The following KANSL1 variants were observed in gnomAD, a reference collection of about 807,000 sequenced individuals.
The protein encoded by KANSL1 is MLL1/MLL complex subunit KANSL1.
In KANSL1, 22 loss-of-function variants were observed where a neutral mutation model predicts 103.6. The ratio of observed to expected loss-of-function variants is 0.21; its 90% CI spans 0.15 to 0.30. The LOEUF is 0.30. Among genes scored for constraint, KANSL1 ranks in the 10% least tolerant of loss-of-function variants. KANSL1 has a pLI of 1.00. For synonymous variants in KANSL1, 600 were observed against 527.6 expected, an observed-to-expected ratio of 1.14 and a Z score of -1.88; for missense variants, 1,337 against 1,399.8, an observed-to-expected ratio of 0.96 and a Z score of 0.72.
intron 3 of KANSL1, among the ~76,000 whole-genome samples, chr17:46,086,310 T>G (rs1438327119): frequency 1.3e-5 from 2 of 152,196 alleles, no homozygotes; most frequent in East Asian, 3.9e-4. Flanking sequence ...GGACCATCTA[T>G]TCATCGACAT....
At chr17:46,166,270 G>A (rs1451076499) in intron 2 of KANSL1, among the ~76,000 whole-genome samples, 2 of 151,366 alleles carry the variant, frequency 1.3e-5, no homozygotes, top group African/African-American at 4.9e-5. Context: ...CCAGCACTGT[G>A]GGAGGCCAAG....
chr17:46,185,871 T>C (rs2047008009), intron 1 of KANSL1, among the ~76,000 whole-genome samples: 1 of 152,160 alleles, frequency 6.6e-6, no homozygotes, highest in Non-Finnish European at 1.5e-5. Flanking sequence ...AACTTTTTTT[T>C]CTGAAGGATG....
intron 1 of KANSL1, among the ~76,000 whole-genome samples, chr17:46,211,336 G>T (rs2696445): frequency 0.12 from 18,240 of 148,488 alleles, 23 homozygotes; most frequent in Middle Eastern, 0.19. Context: ...ACTGGAAGAA[G>T]AGCTGTCTTG....
At chr17:46,049,675 T>C (rs2077642876) in intron 7 of KANSL1, 1 of 151,950 alleles carries the variant, frequency 6.6e-6, no homozygotes. Context: ...CCAAAAGGAA[T>C]GCTCTTCTTT....
chr17:46,176,516 C>A (rs192899843), intron 1 of KANSL1, among the ~76,000 whole-genome samples: 137 of 152,162 alleles, frequency 9.0e-4, no homozygotes, highest in Non-Finnish European at 1.5e-3. Context: ...CATGGTGAAA[C>A]CCTGTCTCTA....
chr17:46,166,687 A>G (rs1421909487), intron 2 of KANSL1, among the ~76,000 whole-genome samples: 1 of 152,234 alleles, frequency 6.6e-6, no homozygotes, highest in African/African-American at 2.4e-5. Flanking sequence ...CATAAATTCA[A>G]CCAGAAATAA....
chr17:46,172,106 G>A lies in KANSL1; in HGVS notation c.38C>T (p.Ala13Val). 6.2e-7 allele frequency: 1 copy of A among 1,610,866 alleles called. No homozygotes were observed. Residue 13 changes from alanine to valine, a missense_variant, in exon 2 of 15, where the codon GCT becomes GTT. Ala to Val is a moderately conservative substitution (Grantham distance 64). Coordinates refer to ENST00000432791, the MANE Select transcript of KANSL1 (RefSeq NM_015443.4). ...AMAPALTDAA[A>V]EAHHIRFKLA... Reference sequence around the variant, plus strand: ...TTTGAACCGGATATGGTGTGCTTCAGCTGCTGCGTCAGTGAGAGCGGGCGC... The same window carrying A: ...TTTGAACCGGATATGGTGTGCTTCAACTGCTGCGTCAGTGAGAGCGGGCGC...
chr17:46,144,964 C>T (rs1223099507), intron 2 of KANSL1, among the ~76,000 whole-genome samples: 1 of 152,128 alleles, frequency 6.6e-6, no homozygotes, highest in African/African-American at 2.4e-5. Context: ...AAAAGTTCAC[C>T]AGGAGTTGGA....
At chr17:46,067,426 G>T in intron 5 of KANSL1, 123 bp downstream of exon 5, 1 of 696,324 alleles carries the variant, frequency 1.4e-6, no homozygotes. Flanking sequence ...GATTAAAAAT[G>T]TTACTAAGTG....
intron 6 of KANSL1, among the ~76,000 whole-genome samples, chr17:46,063,140 C>T (rs1204864106): frequency 6.6e-6 from 1 of 152,170 alleles, no homozygotes; most frequent in Non-Finnish European, 1.5e-5. Flanking sequence ...ATTTAAGATG[C>T]AGGTAAGGAA....
intron 1 of KANSL1, among the ~76,000 whole-genome samples, chr17:46,183,929 GAAAT>G (rs1397195682): frequency 1.3e-5 from 2 of 152,110 alleles, no homozygotes; most frequent in African/African-American, 4.8e-5. Flanking sequence ...CAAAAAGAAA[GAAAT>G]GAGTAGAATT....
At chr17:46,173,289 A>G (rs2046372646) in intron 1 of KANSL1, among the ~76,000 whole-genome samples, 1 of 151,024 alleles carries the variant, frequency 6.6e-6, no homozygotes, top group Admixed American at 6.6e-5. Context: ...GAGCTGCACT[A>G]ATCAAGATTC....
At chr17:46,062,330 A>C in intron 6 of KANSL1, among the ~76,000 whole-genome samples, 1 of 150,452 alleles carries the variant, frequency 6.6e-6, no homozygotes, top group Non-Finnish European at 1.5e-5. Flanking sequence ...ATTGATTTTA[A>C]GAAGTACAAG....
chr17:46,143,105 T>C (rs1318522917), intron 2 of KANSL1, among the ~76,000 whole-genome samples: 1 of 152,234 alleles, frequency 6.6e-6, no homozygotes, highest in Non-Finnish European at 1.5e-5. Flanking sequence ...AGCTAAAATA[T>C]ACTCAAACTA....
chr17:46,064,949 G>A (rs1203346303), intron 6 of KANSL1, among the ~76,000 whole-genome samples: 1 of 151,756 alleles, frequency 6.6e-6, no homozygotes, highest in Non-Finnish European at 1.5e-5. Flanking sequence ...AGTTACATAT[G>A]TATACGTGTG....
Position 46,033,159 on chromosome 17 carries a change from G to A in KANSL1, c.2758C>T (p.Leu920=). Reference sequence around the variant, plus strand: ...TCCATCTCCTCACATTTGGCATGCAGGGCGGCGAAGGCTGCGTCGGATAGG... The same window carrying A: ...TCCATCTCCTCACATTTGGCATGCAAGGCGGCGAAGGCTGCGTCGGATAGG... ...EDLSDAAFAA[L]HAKCEEMERA... is the part of the protein sequence containing the mutation. Residue 920 remains leucine, a synonymous_variant, in exon 13 of 15, where the codon CTG becomes TTG. Transcript: ENST00000432791. The A allele has an allele frequency of 6.2e-7, 1 of 1,605,744 alleles. No homozygotes were observed. The highest frequency in any genetic ancestry group is 8.5e-7 in the Non-Finnish European group (1 of 1,175,844).
chr17:46,099,903 T>C (rs1181521039), intron 2 of KANSL1, among the ~76,000 whole-genome samples: 3 of 152,100 alleles, frequency 2.0e-5, no homozygotes, highest in African/African-American at 4.8e-5. Flanking sequence ...TGTTACATGA[T>C]GAATTACTTT....
intron 7 of KANSL1, chr17:46,043,656 A>AT (rs926916098): frequency 1.3e-5 from 2 of 152,226 alleles, no homozygotes; most frequent in Admixed American, 1.3e-4. Context: ...AAGGACATCT[A>AT]TTTGTTACTG....
At position 46,190,674 on chromosome 17, in the gene KANSL1, T is replaced by C. The variant is rs557721962; in HGVS notation, c.-90+2149A>G. Among the ~76,000 whole-genome samples, 9 of 152,328 alleles carry C rather than the reference T, an allele frequency of 5.9e-5. No individual in the cohort carries two copies. The South Asian group carries it at 1.9e-3, about 32-fold the overall frequency. On this transcript the variant is annotated intron_variant, in intron 1 of 14. Coordinates refer to ENST00000432791, the MANE Select transcript of KANSL1 (RefSeq NM_015443.4). ...TAGACATTAAGAACCTTTGTAACAT[T>C]TAATGTTTCCCTCCAAGTAGTTCAA... is the stretch of plus-strand genomic sequence containing the variant.
Sources: allele counts gnomAD v4.1 joint callset (sites outside exome capture counted in the v4.1 genomes callset), GRCh38; gene constraint gnomAD v4.1.1; transcripts MANE v1.5; gene names NCBI Gene and HGNC (gene_info 2026-07-23, HGNC 2026-07-21).